The following SERTAD2 variants were observed in gnomAD, a reference collection of about 807,000 sequenced individuals.
The protein encoded by SERTAD2 is SERTA domain-containing protein 2.
A neutral mutation model predicts 15.4 loss-of-function variants in SERTAD2; 2 were observed. The ratio of observed to expected loss-of-function variants is 0.13; its 90% CI spans 0.05 to 0.41. The LOEUF (loss-of-function observed/expected upper bound fraction) is 0.41. Among genes scored for constraint, SERTAD2 ranks in the 10% least tolerant of loss-of-function variants. SERTAD2 has a pLI of 0.99. For missense variants in SERTAD2, 333 were observed against 409.7 expected, an observed-to-expected ratio of 0.81 and a Z score of 1.62; for synonymous variants, 180 against 178.0, an observed-to-expected ratio of 1.01 and a Z score of -0.09.
rs1448053487 is a variant in SERTAD2 at position 64,632,237 on chromosome 2, TAG to T, written c.*3688_*3689del. On this transcript the variant is annotated 3_prime_UTR_variant, in exon 2 of 2. Coordinates refer to ENST00000313349, the MANE Select transcript of SERTAD2 (RefSeq NM_014755.3). ...ATAGAGTAGCAATTGCTGCACGAAG[TAG>T]AGTCTTTTTTTTTTTTTTTTTTACA... 25 of 144,944 alleles carry T rather than the reference TAG, an allele frequency of 1.7e-4. No homozygotes were observed. The highest frequency in any genetic ancestry group is 5.2e-4 in the Admixed American group (7 of 13,586). 9.0% of individuals were successfully genotyped at this position (144,944 alleles called of 1,614,324 possible).
At chr2:64,637,812 C>A (rs1210555119) in intron 1 of SERTAD2, among the ~76,000 whole-genome samples, 1 of 152,194 alleles carries the variant, frequency 6.6e-6, no homozygotes, top group East Asian at 1.9e-4. Flanking sequence ...CCCATCTTGC[C>A]TGCTGCTCAC....
chr2:64,647,547 T>C (rs1674930096), intron 1 of SERTAD2, among the ~76,000 whole-genome samples: 1 of 152,150 alleles, frequency 6.6e-6, no homozygotes, highest in Non-Finnish European at 1.5e-5. Context: ...TCCTGTAGCA[T>C]CTTTTCCCTA....
chr2:64,638,109 T>C (rs746321463), intron 1 of SERTAD2, among the ~76,000 whole-genome samples: 1 of 152,222 alleles, frequency 6.6e-6, no homozygotes, highest in Non-Finnish European at 1.5e-5. Context: ...CGTCCCCGCC[T>C]CCAGCTACAG....
In SERTAD2 at chr2:64,634,438, G is replaced by A. The variant is rs1370824648; in HGVS notation, c.*1489C>T. 1 of 152,182 alleles carries A rather than the reference G, an allele frequency of 6.6e-6. No individual in the cohort carries two copies. Among genetic ancestry groups the A allele is most frequent in the Non-Finnish European group, 1.5e-5 (1 of 68,050 alleles). 9.4% of individuals were successfully genotyped at this position (152,182 alleles called of 1,614,324 possible). ...ATAGAAAGTCCTGTCTGAGTTTTGGGGTAAAACAGCCTTGACAAGTGTGAA... is the reference window on the plus strand; with the variant it reads ...ATAGAAAGTCCTGTCTGAGTTTTGGAGTAAAACAGCCTTGACAAGTGTGAA... On this transcript the variant is annotated 3_prime_UTR_variant, in exon 2 of 2. Coordinates refer to ENST00000313349, the MANE Select transcript of SERTAD2 (RefSeq NM_014755.3).
At chr2:64,639,304 AC>A (rs1482505161) in intron 1 of SERTAD2, among the ~76,000 whole-genome samples, 2 of 152,242 alleles carry the variant, frequency 1.3e-5, no homozygotes, top group African/African-American at 4.8e-5. Context: ...GCAAATTTAC[AC>A]AGTAACTGTT....
intron 1 of SERTAD2, among the ~76,000 whole-genome samples, chr2:64,644,445 G>A (rs993331072): frequency 3.3e-5 from 5 of 152,234 alleles, no homozygotes; most frequent in African/African-American, 7.2e-5. Flanking sequence ...CCTCCCACCA[G>A]CCTGAGGGCG....
At chr2:64,640,142 C>T (rs1044093728) in intron 1 of SERTAD2, among the ~76,000 whole-genome samples, 1 of 152,186 alleles carries the variant, frequency 6.6e-6, no homozygotes, top group Non-Finnish European at 1.5e-5. Context: ...CTAATTCTAT[C>T]TAAGCTGTTA....
intron 1 of SERTAD2, among the ~76,000 whole-genome samples, chr2:64,650,932 A>T (rs988231505): frequency 1.3e-5 from 2 of 152,220 alleles, no homozygotes; most frequent in Non-Finnish European, 2.9e-5. Context: ...TGGACTCAGT[A>T]ATCAGAGACG....
intron 1 of SERTAD2, among the ~76,000 whole-genome samples, chr2:64,637,378 T>C (rs578232944): frequency 6.6e-6 from 1 of 152,312 alleles, no homozygotes; most frequent in Non-Finnish European, 1.5e-5. Flanking sequence ...AGGTAACATG[T>C]ATAATTTGGG....
At position 64,635,742 on chromosome 2, in the gene SERTAD2, A is replaced by G. The variant is rs1674643307; in HGVS notation, c.*185T>C. The G allele has an allele frequency of 1.7e-6, 1 of 578,374 alleles. No individual in the cohort carries two copies. Among genetic ancestry groups the G allele is most frequent in the Non-Finnish European group, 3.1e-6 (1 of 322,402 alleles). The allele number at this position is 578,374 out of a possible 1,614,324, so 35.8% of individuals were successfully genotyped here. A position where few individuals can be genotyped will look rare whatever the true frequency, so the allele number is the denominator to read the frequency against. ...AGGAACCACTCAAAAAAGTGTATTA[A>G]AAGTGGTCATACTTGGATGAAGGCA... On this transcript the variant is annotated 3_prime_UTR_variant, in exon 2 of 2. Transcript: ENST00000313349.
At position 64,636,830 on chromosome 2, in the gene SERTAD2, T is replaced by C; in HGVS notation, c.42A>G (p.Glu14=). 1 of 1,614,008 alleles carries C rather than the reference T, an allele frequency of 6.2e-7. No homozygotes were observed. The highest frequency in any genetic ancestry group is 8.5e-7 in the Non-Finnish European group (1 of 1,179,880). ...ACACGATTTTGCCTTCCAGCCCATC[T>C]TCATGCTCATCAAACTTCCGTTTTC... The part of the protein sequence containing the change: ...KGGKRKFDEH[E]DGLEGKIVSP... Residue 14 remains glutamate, a synonymous_variant, in exon 2 of 2, where the codon GAA becomes GAG. Coordinates refer to ENST00000313349, the MANE Select transcript of SERTAD2 (RefSeq NM_014755.3).
intron 1 of SERTAD2, among the ~76,000 whole-genome samples, chr2:64,652,275 G>C (rs780325152): frequency 2.9e-4 from 44 of 152,228 alleles, no homozygotes; most frequent in Non-Finnish European, 6.0e-4. Context: ...GCTATAAAAA[G>C]GGGGAGGGAT....
At chr2:64,641,130 C>T (rs1415733172) in intron 1 of SERTAD2, among the ~76,000 whole-genome samples, 1 of 152,190 alleles carries the variant, frequency 6.6e-6, no homozygotes, top group Non-Finnish European at 1.5e-5. Flanking sequence ...AAACTTCATA[C>T]TAAACACAAC....
chr2:64,650,914 C>A (rs924443603), intron 1 of SERTAD2, among the ~76,000 whole-genome samples: 1 of 152,214 alleles, frequency 6.6e-6, no homozygotes, highest in Admixed American at 6.5e-5. Flanking sequence ...CAGTACACAA[C>A]TGATCTTTGG....
intron 1 of SERTAD2, among the ~76,000 whole-genome samples, chr2:64,651,537 G>A (rs1274538160): frequency 6.6e-6 from 1 of 152,154 alleles, no homozygotes; most frequent in African/African-American, 2.4e-5. Flanking sequence ...ATTTGAATGA[G>A]TTTTAAAATA....
chr2:64,642,447 G>C (rs1674795919), intron 1 of SERTAD2, among the ~76,000 whole-genome samples: 1 of 151,950 alleles, frequency 6.6e-6, no homozygotes, highest in African/African-American at 2.4e-5. Context: ...AGATGAATCA[G>C]AAAAGGTTAT....
Position 64,650,253 on chromosome 2 carries a change from T to A in SERTAD2, c.-5+3367A>T, listed in dbSNP as rs75533030. Reference sequence around the variant, plus strand: ...AGTATCTGTTCTGTCCTATTAGAAATCATATATTATAAAATATATTGTGAT... The same window carrying A: ...AGTATCTGTTCTGTCCTATTAGAAAACATATATTATAAAATATATTGTGAT... On this transcript the variant is annotated intron_variant, in intron 1 of 1. Transcript: ENST00000313349. Among the ~76,000 whole-genome samples, 1,284 of 152,212 alleles carry A rather than the reference T, an allele frequency of 8.4e-3. 22 individuals are homozygous for A. The highest frequency in any genetic ancestry group is 0.029 in the African/African-American group (1,204 of 41,520).
Position 64,635,712 on chromosome 2 carries a change from C to T in SERTAD2, c.*215G>A. Reference sequence around the variant, plus strand: ...TCTTTCCTATACCAGGGTAGTAGGTCTCTGAGGAACCACTCAAAAAAGTGT... The same window carrying T: ...TCTTTCCTATACCAGGGTAGTAGGTTTCTGAGGAACCACTCAAAAAAGTGT... On this transcript the variant is annotated 3_prime_UTR_variant, in exon 2 of 2. Transcript: ENST00000313349. 2 of 517,906 alleles carry T rather than the reference C, an allele frequency of 3.9e-6. No homozygotes were observed. The highest frequency in any genetic ancestry group is 3.4e-5 in the Admixed American group (1 of 29,830). The allele number at this position is 517,906 out of a possible 1,614,324, so 32.1% of individuals were successfully genotyped here. A position where few individuals can be genotyped will look rare whatever the true frequency, so the allele number is the denominator to read the frequency against.
At chr2:64,638,105 C>G (rs1353790035) in intron 1 of SERTAD2, among the ~76,000 whole-genome samples, 1 of 152,218 alleles carries the variant, frequency 6.6e-6, no homozygotes, top group South Asian at 2.1e-4. Context: ...TCACCGTCCC[C>G]GCCTCCAGCT....
Sources: allele counts gnomAD v4.1 joint callset (sites outside exome capture counted in the v4.1 genomes callset), GRCh38; gene constraint gnomAD v4.1.1; transcripts MANE v1.5; gene names NCBI Gene and HGNC (gene_info 2026-07-23, HGNC 2026-07-21).